Variants in GOLGB1 observed in about 807,000 individuals in gnomAD.
GOLGB1 encodes golgin B1, also known as golgin subfamily B member 1.
Under a neutral mutation model 336.9 loss-of-function variants are expected in GOLGB1, and 174 were observed. That is an observed-to-expected ratio of 0.52 (90% CI 0.46 to 0.59). GOLGB1 has a LOEUF of 0.59. Among genes scored for constraint, GOLGB1 ranks in the 20% least tolerant of loss-of-function variants. GOLGB1 has a pLI of 0.00. For synonymous variants in GOLGB1, 1,208 were observed against 1,289.2 expected, an observed-to-expected ratio of 0.94 and a Z score of 1.35; for missense variants, 3,331 against 3,645.3, an observed-to-expected ratio of 0.91 and a Z score of 2.22.
chr3:121,704,518 C>T (rs1943652840), intron 10 of GOLGB1, among the ~76,000 whole-genome samples: 1 of 152,164 alleles, frequency 6.6e-6, no homozygotes, highest in African/African-American at 2.4e-5. Context: ...TGGCTCACGC[C>T]TATAATCCCA....
intron 8 of GOLGB1, among the ~76,000 whole-genome samples, chr3:121,717,651 G>A (rs894040415): frequency 1.3e-5 from 2 of 152,140 alleles, no homozygotes; most frequent in South Asian, 2.1e-4. Context: ...ATTGCAGAAC[G>A]AGATCATTTC....
At chr3:121,737,725 G>A (rs1292801350) in intron 1 of GOLGB1, among the ~76,000 whole-genome samples, 1 of 151,988 alleles carries the variant, frequency 6.6e-6, no homozygotes, top group African/African-American at 2.4e-5. Flanking sequence ...ATGAAACTAG[G>A]CTCTGCTACA....
intron 10 of GOLGB1, 82 bp from the exon 11 acceptor site, chr3:121,702,677 T>C (rs922876711): frequency 3.7e-6 from 2 of 535,876 alleles, no homozygotes; most frequent in African/African-American, 3.9e-5. Flanking sequence ...CCAGCATTTT[T>C]GTCTTCTAGA....
intron 1 of GOLGB1, among the ~76,000 whole-genome samples, chr3:121,743,732 T>C (rs1433973022): frequency 6.6e-6 from 1 of 152,204 alleles, no homozygotes; most frequent in South Asian, 2.1e-4. Context: ...ATAGTTGCTA[T>C]TAGAAAACTT....
chr3:121,686,867 G>A (rs1560199689), intron 14 of GOLGB1, among the ~76,000 whole-genome samples: 1 of 152,120 alleles, frequency 6.6e-6, no homozygotes. Context: ...AGATAATATG[G>A]GTAAGTAGGA....
intron 14 of GOLGB1, among the ~76,000 whole-genome samples, chr3:121,688,037 T>C (rs1022628116): frequency 2.0e-5 from 3 of 152,172 alleles, no homozygotes; most frequent in African/African-American, 7.2e-5. Flanking sequence ...TGTCTATAAA[T>C]ATGGGATATT....
At chr3:121,682,515 G>A (rs979285701) in intron 14 of GOLGB1, among the ~76,000 whole-genome samples, 52 of 152,160 alleles carry the variant, frequency 3.4e-4, no homozygotes, top group African/African-American at 1.3e-3. Flanking sequence ...AGAAGTAAAT[G>A]AGCAAATTAA....
Position 121,694,214 on chromosome 3 carries a change from A to G in GOLGB1, c.6309T>C (p.Asn2103=). ...QSEAARVLAD[N]LKLKKELQSN... The stretch of plus-strand genomic sequence containing the variant: ...ACTGAAGTTCCTTTTTCAACTTGAG[A>G]TTGTCTGCTAGGACCCTTGCTGCTT... Residue 2103 remains asparagine, a synonymous_variant, in exon 13 of 22, where the codon AAT becomes AAC. Coordinates refer to ENST00000614479, the MANE Select transcript of GOLGB1 (RefSeq NM_001366282.2). 1 of 1,612,008 alleles carries G rather than the reference A, an allele frequency of 6.2e-7. No homozygotes were observed. The highest frequency in any genetic ancestry group is 8.5e-7 in the Non-Finnish European group (1 of 1,179,994).
chr3:121,736,187 T>G (rs1213203816), intron 1 of GOLGB1, among the ~76,000 whole-genome samples: 1 of 152,096 alleles, frequency 6.6e-6, no homozygotes, highest in Non-Finnish European at 1.5e-5. Flanking sequence ...TCCAAATAAT[T>G]TATGTAGATA....
At chr3:121,689,461 T>C (rs1438976918) in intron 14 of GOLGB1, among the ~76,000 whole-genome samples, 8 of 151,274 alleles carry the variant, frequency 5.3e-5, no homozygotes, top group Admixed American at 3.3e-4. Flanking sequence ...AGCATGCTCG[T>C]TAAGAGTCAT....
rs547002463 is a variant in GOLGB1 at position 121,698,589 on chromosome 3, G to T, written c.1934C>A (p.Ala645Glu). 1 of 1,613,614 alleles carries T rather than the reference G, an allele frequency of 6.2e-7. No individual in the cohort carries two copies. The change falls in exon 13 of 22, where the codon GCG (alanine) becomes GAG (glutamate). Residue 645 changes from alanine (A) to glutamate (E), a missense_variant. Transcript: ENST00000614479. ...TGTTCTACTTTGATGTTCAGTGCTC[G>T]CCTGTTCTTTTTCAACTGCTGGAAG... Reference protein sequence around the residue: ...SSLPAVEKEQASTEHQSRTSE... With the variant: ...SSLPAVEKEQESTEHQSRTSE...
rs869189384 is a variant in GOLGB1, at chr3:121,727,320, A to ATT, written c.403-281_403-280dup. Among the ~76,000 whole-genome samples the ATT allele has an allele frequency of 8.7e-3, 249 of 28,636 alleles. 19 individuals are homozygous for ATT. Among genetic ancestry groups the ATT allele is most frequent in the African/African-American group, 0.015 (113 of 7,732 alleles). 18.8% of individuals were successfully genotyped at this position (28,636 alleles called of 152,430 possible). A position where few individuals can be genotyped will look rare whatever the true frequency, so the allele number is the denominator to read the frequency against. On this transcript the variant is annotated intron_variant, in intron 4 of 21. Coordinates refer to ENST00000614479, the MANE Select transcript of GOLGB1 (RefSeq NM_001366282.2). Reference sequence around the variant, plus strand: ...TATATATATATATATATATATATATATTTTTTTTTTTTTTTTTTTTTTTTT... The same window carrying ATT: ...TATATATATATATATATATATATATATTTTTTTTTTTTTTTTTTTTTTTTTTT...
At chr3:121,721,672 C>A (rs1945210871) in intron 6 of GOLGB1, among the ~76,000 whole-genome samples, 1 of 151,834 alleles carries the variant, frequency 6.6e-6, no homozygotes, top group Non-Finnish European at 1.5e-5. Context: ...AACCAAGAAA[C>A]CTAGAAAAAT....
In GOLGB1 at chr3:121,718,394, T is replaced by G. The variant is rs115469061; in HGVS notation, c.879A>C (p.Arg293Ser). The change falls in exon 8 of 22, where the codon AGA (arginine) becomes AGC (serine). Residue 293 changes from arginine to serine, a missense_variant. By Grantham distance (110) the Arg-to-Ser change is moderately radical. Coordinates refer to ENST00000614479, the MANE Select transcript of GOLGB1 (RefSeq NM_001366282.2). ...LQQELTAAEQ[R>S]NQILSQQLQQ... ...AAAGATTAAAAGGCAGTACCTGGTT[T>G]CTCTGCTCAGCAGCAGTCAGCTCCT... 1 of 1,605,538 alleles carries G rather than the reference T, an allele frequency of 6.2e-7. No individual in the cohort carries two copies. The highest frequency in any genetic ancestry group is 8.5e-7 in the Non-Finnish European group (1 of 1,172,476).
chr3:121,665,177 A>AG (rs930941548), intron 20 of GOLGB1, 146 bp from the exon 21 acceptor site: 33 of 603,190 alleles, frequency 5.5e-5, no homozygotes, highest in Non-Finnish European at 8.0e-5. Context: ...AACCCATGCA[A>AG]GGGGGGTACC....
In GOLGB1 at chr3:121,681,769, C is replaced by T. The variant is rs1941097250; in HGVS notation, c.8791G>A (p.Asp2931Asn). ...PLKAQLQEYQ[D>N]KTKAFQIMQE... ...ATAATCTGAAATGCTTTTGTCTTATCTTGATACTCCTGAAGTTGAGCCTTC... is the reference window on the plus strand; with the variant it reads ...ATAATCTGAAATGCTTTTGTCTTATTTTGATACTCCTGAAGTTGAGCCTTC... The change falls in exon 15 of 22, where the codon GAT becomes AAT. Residue 2931 changes from aspartate to asparagine, a missense_variant. Asp to Asn is a conservative substitution (Grantham distance 23, BLOSUM62 1). Coordinates refer to ENST00000614479, the MANE Select transcript of GOLGB1 (RefSeq NM_001366282.2). 2 of 1,609,906 alleles carry T rather than the reference C, an allele frequency of 1.2e-6. No individual in the cohort carries two copies. Among genetic ancestry groups the T allele is most frequent in the African/African-American group, 1.3e-5 (1 of 74,868 alleles).
chr3:121,666,751 CT>C (rs894263903), intron 20 of GOLGB1, among the ~76,000 whole-genome samples: 2 of 152,202 alleles, frequency 1.3e-5, no homozygotes, highest in African/African-American at 4.8e-5. Flanking sequence ...ATAAAAGTGC[CT>C]GCTTTTAACG....
rs201706011 is a variant in GOLGB1, at chr3:121,664,659, C to T, written c.9661-45G>A. On this transcript the variant is annotated intron_variant, in intron 21 of 21. Transcript: ENST00000614479. ...GTCAGAGAGTTTTCACCCTATAGGG[C>T]TATGTTGCTTTCCCTCCTACTAGTC... The T allele has an allele frequency of 5.7e-6, 9 of 1,587,618 alleles. No individual in the cohort carries two copies. The Admixed American group carries it at 1.5e-4, about 26-fold the overall frequency.
rs1356750166 is a variant in GOLGB1, at chr3:121,667,494, G to A, written c.9536C>T (p.Ala3179Val). 6.2e-7 allele frequency: 1 copy of A among 1,613,906 alleles called. No homozygotes were observed. ...RVAAENALSV[A>V]EEQIRRLEHS... ...CCTTTACCGTCTGATCTGCTCCTCG[G>A]CCACAGAGAGAGCATTCTCAGCAGC... Residue 3179 changes from alanine (A) to valine (V), a missense_variant, in exon 20 of 22, where the codon GCC becomes GTC. Ala to Val is a moderately conservative substitution (Grantham distance 64). Coordinates refer to ENST00000614479, the MANE Select transcript of GOLGB1 (RefSeq NM_001366282.2).
Sources: allele counts gnomAD v4.1 joint callset (sites outside exome capture counted in the v4.1 genomes callset), GRCh38; gene constraint gnomAD v4.1.1; transcripts MANE v1.5; gene names NCBI Gene and HGNC (gene_info 2026-07-23, HGNC 2026-07-21).